LRRC49: variants seen among roughly 807,000 people sequenced by gnomAD.
LRRC49 encodes the protein leucine-rich repeat-containing protein 49.
In LRRC49, 50 loss-of-function variants were observed where a neutral mutation model predicts 83.3. The observed-to-expected ratio is 0.60, with a 90% CI of 0.48 to 0.76. The LOEUF is 0.76. Ranked by LOEUF, LRRC49 falls within the 30% of genes least tolerant of loss-of-function variation. The pLI, the probability that LRRC49 is intolerant of heterozygous loss-of-function variation, is 0.00. For missense variants in LRRC49, 704 were observed against 809.1 expected (o/e 0.87, Z 1.58); for synonymous variants, 286 against 283.3 (o/e 1.01, Z -0.10).
intron 9 of LRRC49, among the ~76,000 whole-genome samples, chr15:70,976,053 A>G (rs2037194927): frequency 6.6e-6 from 1 of 152,230 alleles, no homozygotes; most frequent in Admixed American, 6.5e-5. Flanking sequence ...AGCACTCAGG[A>G]ATACTTAGCC....
intron 14 of LRRC49, among the ~76,000 whole-genome samples, chr15:71,021,254 A>G (rs1195853911): frequency 6.6e-6 from 1 of 152,248 alleles, no homozygotes; most frequent in East Asian, 1.9e-4. Flanking sequence ...AGTCGGAAGG[A>G]GTAAATGGAG....
chr15:70,863,653 C>A (rs1309856896), intron 1 of LRRC49, among the ~76,000 whole-genome samples: 1 of 152,198 alleles, frequency 6.6e-6, no homozygotes, highest in African/African-American at 2.4e-5. Flanking sequence ...ACTAACAAAG[C>A]CTCCATTGTC....
chr15:70,898,467 A>G (rs565824192), intron 3 of LRRC49: 4 of 697,568 alleles, frequency 5.7e-6, no homozygotes, highest in African/African-American at 3.5e-5. Context: ...TAAGTTAAAT[A>G]GTAATATAAG....
chr15:70,882,187 T>C (rs1333914910), intron 2 of LRRC49: 1 of 337,826 alleles, frequency 3.0e-6, no homozygotes, highest in Non-Finnish European at 5.3e-6. Flanking sequence ...GTGTTGCTGA[T>C]ATTGTGGTTT....
At chr15:71,025,217 GAGA>G (rs1478374951) in intron 14 of LRRC49, among the ~76,000 whole-genome samples, 3 of 152,146 alleles carry the variant, frequency 2.0e-5, no homozygotes, top group Admixed American at 1.3e-4. Flanking sequence ...GATACTCCAT[GAGA>G]AGATCAACCC....
intron 8 of LRRC49, among the ~76,000 whole-genome samples, chr15:70,937,841 T>C (rs1296530208): frequency 6.6e-6 from 1 of 152,202 alleles, no homozygotes; most frequent in Non-Finnish European, 1.5e-5. Context: ...GTTTTTTTGA[T>C]AGACTTTTCA....
intron 11 of LRRC49, among the ~76,000 whole-genome samples, chr15:70,987,614 G>GT (rs1251048355): frequency 1.3e-5 from 2 of 152,110 alleles, no homozygotes; most frequent in Non-Finnish European, 2.9e-5. Flanking sequence ...TTTTTGAAGG[G>GT]TTTTTTGTGT....
intron 14 of LRRC49, among the ~76,000 whole-genome samples, chr15:71,022,934 T>G (rs749419786): frequency 6.6e-6 from 1 of 152,230 alleles, no homozygotes; most frequent in Admixed American, 6.5e-5. Flanking sequence ...TTGCAAAGAA[T>G]TGAAATCACA....
At chr15:70,858,700 TC>T (rs2032711348) in intron 1 of LRRC49, 1 of 734,510 alleles carries the variant, frequency 1.4e-6, no homozygotes, top group African/African-American at 1.8e-5. Flanking sequence ...CTGCCTCCAC[TC>T]CTGCCTCCAC....
At chr15:70,969,772 GCT>G (rs1026073564) in intron 9 of LRRC49, among the ~76,000 whole-genome samples, 6 of 151,894 alleles carry the variant, frequency 4.0e-5, no homozygotes, top group Non-Finnish European at 7.4e-5. Flanking sequence ...TCATGATTTG[GCT>G]CTCTGTCTAT....
At chr15:70,880,144 C>G (rs948829622) in intron 2 of LRRC49, among the ~76,000 whole-genome samples, 1 of 152,142 alleles carries the variant, frequency 6.6e-6, no homozygotes, top group Admixed American at 6.5e-5. Flanking sequence ...CAGATCATTG[C>G]GTGGTCACTC....
intron 4 of LRRC49, among the ~76,000 whole-genome samples, chr15:70,901,555 GT>G (rs2034079487): frequency 6.6e-6 from 1 of 152,098 alleles, no homozygotes; most frequent in African/African-American, 2.4e-5. Context: ...TTGCTCAAAT[GT>G]CATCATTTCA....
intron 14 of LRRC49, among the ~76,000 whole-genome samples, chr15:71,024,390 A>G (rs1330123643): frequency 2.6e-5 from 4 of 152,032 alleles, no homozygotes; most frequent in African/African-American, 9.7e-5. Flanking sequence ...TAGGACAGAG[A>G]CCCCGGAGGA....
intron 2 of LRRC49, among the ~76,000 whole-genome samples, chr15:70,877,078 G>C (rs908200500): frequency 6.6e-6 from 1 of 152,018 alleles, no homozygotes; most frequent in Non-Finnish European, 1.5e-5. Flanking sequence ...CTTCCTGTTG[G>C]TTTTTAAAGC....
intron 11 of LRRC49, among the ~76,000 whole-genome samples, chr15:71,006,815 G>A (rs2038474904): frequency 6.6e-6 from 1 of 152,060 alleles, no homozygotes; most frequent in African/African-American, 2.4e-5. Context: ...CTTTGTTTTA[G>A]TGGCAGTGAA....
At chr15:70,909,508 A>G (rs539525686) in intron 5 of LRRC49, among the ~76,000 whole-genome samples, 1 of 152,290 alleles carries the variant, frequency 6.6e-6, no homozygotes, top group African/African-American at 2.4e-5. Context: ...TGTTGTAGGT[A>G]TCTCAGGAGC....
intron 7 of LRRC49, among the ~76,000 whole-genome samples, chr15:70,919,816 TG>T (rs1235704578): frequency 6.6e-6 from 1 of 152,064 alleles, no homozygotes; most frequent in Non-Finnish European, 1.5e-5. Context: ...AAAAAAGACA[TG>T]AAGATGGTAG....
intron 14 of LRRC49, among the ~76,000 whole-genome samples, chr15:71,024,725 C>T (rs1417917916): frequency 6.6e-6 from 1 of 151,628 alleles, no homozygotes; most frequent in African/African-American, 2.4e-5. Flanking sequence ...GATCACAACA[C>T]CTCTCCAGCA....
intron 8 of LRRC49, among the ~76,000 whole-genome samples, chr15:70,937,051 C>A (rs1466956400): frequency 1.3e-5 from 2 of 152,156 alleles, no homozygotes; most frequent in Non-Finnish European, 2.9e-5. Context: ...TTTAATTATG[C>A]TTTAGAGTTG....
Sources: allele counts gnomAD v4.1 joint callset (sites outside exome capture counted in the v4.1 genomes callset), GRCh38; gene constraint gnomAD v4.1.1; transcripts MANE v1.5; gene names NCBI Gene and HGNC (gene_info 2026-07-23, HGNC 2026-07-21).